UNC5C: variants seen among roughly 807,000 people sequenced by gnomAD.
UNC5C encodes unc-5 netrin receptor C.
A neutral mutation model predicts 99.8 loss-of-function variants in UNC5C; 47 were observed. That is an observed-to-expected ratio of 0.47 (90% CI 0.37 to 0.60). The LOEUF is 0.60. UNC5C is among the 20% of genes least tolerant of loss of function. The pLI is 0.00. For missense variants in UNC5C, 1,062 were observed against 1,165.9 expected, an observed-to-expected ratio of 0.91 and a Z score of 1.30; for synonymous variants, 487 against 452.2, an observed-to-expected ratio of 1.08 and a Z score of -0.98.
At chr4:95,447,531 C>A (rs1747140840) in intron 1 of UNC5C, among the ~76,000 whole-genome samples, 1 of 152,194 alleles carries the variant, frequency 6.6e-6, no homozygotes, top group South Asian at 2.1e-4. Flanking sequence ...GACGAAGTCT[C>A]ACTCTGTCAC....
intron 1 of UNC5C, among the ~76,000 whole-genome samples, chr4:95,486,320 T>C (rs1178008914): frequency 6.6e-6 from 1 of 151,790 alleles, no homozygotes; most frequent in African/African-American, 2.4e-5. Context: ...CATCACTTTC[T>C]GGGCTATTGT....
intron 1 of UNC5C, among the ~76,000 whole-genome samples, chr4:95,379,234 C>T (rs530523476): frequency 6.6e-6 from 1 of 152,282 alleles, no homozygotes; most frequent in East Asian, 1.9e-4. Flanking sequence ...CAAATCATAT[C>T]TCACAAAACA....
chr4:95,192,863 G>A (rs996462194), intron 12 of UNC5C, among the ~76,000 whole-genome samples: 5 of 152,120 alleles, frequency 3.3e-5, no homozygotes, highest in African/African-American at 1.2e-4. Context: ...GGGCAGTTAT[G>A]CTATTTGTGG....
intron 1 of UNC5C, among the ~76,000 whole-genome samples, chr4:95,468,587 T>G (rs1747870362): frequency 6.6e-6 from 1 of 152,184 alleles, no homozygotes; most frequent in African/African-American, 2.4e-5. Context: ...GCTTGATGGC[T>G]CTCAGGATTT....
intron 4 of UNC5C, 30 bp from the exon 5 acceptor site, chr4:95,250,697 C>A: frequency 2.5e-6 from 4 of 1,604,238 alleles, no homozygotes; most frequent in East Asian, 2.2e-5. Flanking sequence ...GTAGATAAAT[C>A]CTCAGCATGG....
At chr4:95,284,808 A>C (rs917438773) in intron 3 of UNC5C, among the ~76,000 whole-genome samples, 2 of 152,128 alleles carry the variant, frequency 1.3e-5, no homozygotes, top group African/African-American at 4.8e-5. Context: ...GTGTGGAAGA[A>C]AGCCTGTCAT....
chr4:95,283,701 T>C (rs866963638), intron 3 of UNC5C, among the ~76,000 whole-genome samples: 3 of 152,244 alleles, frequency 2.0e-5, no homozygotes, highest in East Asian at 3.9e-4. Context: ...TTCAGAATAA[T>C]GTGGCCATTC....
At chr4:95,514,644 T>TA (rs1435748347) in intron 1 of UNC5C, among the ~76,000 whole-genome samples, 6 of 148,380 alleles carry the variant, frequency 4.0e-5, no homozygotes, top group African/African-American at 1.2e-4. Context: ...ATTTATTTAT[T>TA]TTATATATAT....
intron 1 of UNC5C, among the ~76,000 whole-genome samples, chr4:95,436,509 A>G (rs1746795527): frequency 6.6e-6 from 1 of 152,004 alleles, no homozygotes; most frequent in South Asian, 2.1e-4. Context: ...ACTGCTATGG[A>G]TGGATGGTCT....
At chr4:95,171,641 T>A (rs980255127) in intron 14 of UNC5C, among the ~76,000 whole-genome samples, 8 of 151,990 alleles carry the variant, frequency 5.3e-5, no homozygotes, top group African/African-American at 1.9e-4. Context: ...TCTATCATTG[T>A]TGGACATTTG....
intron 12 of UNC5C, among the ~76,000 whole-genome samples, chr4:95,201,265 C>T (rs1161807602): frequency 1.3e-5 from 2 of 152,082 alleles, no homozygotes; most frequent in Non-Finnish European, 2.9e-5. Context: ...GACTCAGAGG[C>T]AGGAACTTGA....
chr4:95,326,042 T>G (rs998834734), intron 2 of UNC5C, among the ~76,000 whole-genome samples: 1 of 152,130 alleles, frequency 6.6e-6, no homozygotes, highest in Non-Finnish European at 1.5e-5. Context: ...TGGGTTCATA[T>G]CCTGGCTGTG....
Position 95,476,081 on chromosome 4 carries a change from C to CT in UNC5C, c.124+72652_124+72653insA, listed in dbSNP as rs1748136551. Among the ~76,000 whole-genome samples the CT allele has an allele frequency of 2.0e-5, 3 of 152,202 alleles. No individual in the cohort carries two copies. The South Asian group carries it at 6.2e-4, about 32-fold the overall frequency. On this transcript the variant is annotated intron_variant, in intron 1 of 15. Coordinates refer to ENST00000453304, the MANE Select transcript of UNC5C (RefSeq NM_003728.4). ...CATTTTGTTCACTATGATTAATATT[C>CT]ACTCAAGTCAGTTTGTTCAACTCCT...
chr4:95,542,715 CA>C (rs1430772231), intron 1 of UNC5C, among the ~76,000 whole-genome samples: 3 of 151,908 alleles, frequency 2.0e-5, no homozygotes, highest in African/African-American at 7.3e-5. Flanking sequence ...ACATATTGTT[CA>C]TAAAGAGTCC....
At chr4:95,274,453 A>G (rs1463081557) in intron 4 of UNC5C, among the ~76,000 whole-genome samples, 1 of 152,168 alleles carries the variant, frequency 6.6e-6, no homozygotes, top group East Asian at 1.9e-4. Context: ...TTTAGGGAGA[A>G]CAGACGAAGG....
At chr4:95,413,621 A>C (rs146468762) in intron 1 of UNC5C, among the ~76,000 whole-genome samples, 1 of 152,200 alleles carries the variant, frequency 6.6e-6, no homozygotes, top group South Asian at 2.1e-4. Context: ...AGCTACACAG[A>C]CTGCGGAAAG....
chr4:95,228,554 A>T (rs1417493147), intron 7 of UNC5C, among the ~76,000 whole-genome samples: 1 of 152,202 alleles, frequency 6.6e-6, no homozygotes, highest in East Asian at 1.9e-4. Flanking sequence ...AGAGTGGTAA[A>T]GGGATTTGTC....
intron 1 of UNC5C, among the ~76,000 whole-genome samples, chr4:95,389,289 C>T (rs1745292254): frequency 6.6e-6 from 1 of 152,102 alleles, no homozygotes. Flanking sequence ...CCCATCAGTG[C>T]TTATAATGGA....
At chr4:95,517,703 G>A (rs1722252199) in intron 1 of UNC5C, among the ~76,000 whole-genome samples, 8 of 152,060 alleles carry the variant, frequency 5.3e-5, no homozygotes. Context: ...ACCAAAAAAC[G>A]GGATACCAAT....
Sources: gnomAD v4.1 joint callset for allele counts (sites outside exome capture counted in the v4.1 genomes callset) on GRCh38, gnomAD v4.1.1 for gene constraint, MANE v1.5 for transcripts, NCBI Gene and HGNC (gene_info 2026-07-23, HGNC 2026-07-21) for gene names.